Variants in ERG observed in about 807,000 individuals in gnomAD.
The protein encoded by ERG is transcriptional regulator ERG.
ERG carries 9 observed loss-of-function variants against 55.3 expected under a neutral mutation model. The ratio of observed to expected loss-of-function variants is 0.16; its 90% CI spans 0.10 to 0.28. The LOEUF is 0.28. Ranked by LOEUF, ERG falls within the 10% of genes least tolerant of loss-of-function variation. The pLI, the probability that ERG is intolerant of heterozygous loss-of-function variation, is 1.00. For missense variants in ERG, 434 were observed against 631.6 expected (o/e 0.69, Z 3.35); for synonymous variants, 223 against 237.3 (o/e 0.94, Z 0.55).
chr21:38,641,631 T>C (rs1312322276), intron 1 of ERG, among the ~76,000 whole-genome samples: 1 of 152,148 alleles, frequency 6.6e-6, no homozygotes, highest in Non-Finnish European at 1.5e-5. Flanking sequence ...CAGATCAACA[T>C]AATTATTTAG....
At chr21:38,503,583 C>A (rs1464011841) in intron 2 of ERG, among the ~76,000 whole-genome samples, 1 of 152,130 alleles carries the variant, frequency 6.6e-6, no homozygotes, top group Non-Finnish European at 1.5e-5. Context: ...ATTCTGCACA[C>A]ATAAAACTTC....
chr21:38,466,302 T>TGTGTGG (rs1555903695), intron 1 of ERG, among the ~76,000 whole-genome samples: 8 of 137,338 alleles, frequency 5.8e-5, no homozygotes, highest in East Asian at 4.7e-4. Flanking sequence ...TGGTCTGGGG[T>TGTGTGG]GTGTGTGTGT....
chr21:38,456,548 T>C (rs2058991183), intron 1 of ERG, among the ~76,000 whole-genome samples: 2 of 152,334 alleles, frequency 1.3e-5, no homozygotes, highest in African/African-American at 4.8e-5. Flanking sequence ...GTCTCCACTA[T>C]TCACATGATG....
At chr21:38,444,415 C>T (rs2058870045) in intron 2 of ERG, among the ~76,000 whole-genome samples, 1 of 152,188 alleles carries the variant, frequency 6.6e-6, no homozygotes, top group Non-Finnish European at 1.5e-5. Context: ...GCTTTGTACA[C>T]AGTAAAGTTT....
chr21:38,401,168 C>T (rs1759910389), intron 5 of ERG, among the ~76,000 whole-genome samples: 1 of 152,130 alleles, frequency 6.6e-6, no homozygotes, highest in South Asian at 2.1e-4. Context: ...TGAGAAAATT[C>T]CCTTTTCATA....
At chr21:38,416,257 T>C (rs931391036) in intron 3 of ERG, among the ~76,000 whole-genome samples, 2 of 152,232 alleles carry the variant, frequency 1.3e-5, no homozygotes, top group Non-Finnish European at 2.9e-5. Flanking sequence ...AGAAATAAGC[T>C]GTTGAAATGC....
intron 2 of ERG, among the ~76,000 whole-genome samples, chr21:38,547,737 G>T (rs1319063092): frequency 6.6e-6 from 1 of 152,096 alleles, no homozygotes; most frequent in Admixed American, 6.5e-5. Flanking sequence ...ATAAAATGAT[G>T]CCCTTAGCCC....
intron 1 of ERG, among the ~76,000 whole-genome samples, chr21:38,589,969 G>A (rs553230482): frequency 1.3e-5 from 2 of 152,266 alleles, no homozygotes; most frequent in Admixed American, 1.3e-4. Flanking sequence ...TTTACCATCT[G>A]TATCCATAGT....
At chr21:38,657,557 G>A (rs2146995595) in intron 1 of ERG, among the ~76,000 whole-genome samples, 1 of 152,172 alleles carries the variant, frequency 6.6e-6, no homozygotes, top group East Asian at 1.9e-4. Flanking sequence ...TTTCTAATAT[G>A]AAAATGTTTT....
downstream of ERG, among the ~76,000 whole-genome samples, chr21:38,379,659 C>T (rs761064115): frequency 3.9e-5 from 6 of 152,244 alleles, no homozygotes; most frequent in South Asian, 6.2e-4. Context: ...ATGTTTTACT[C>T]AGTAAAATGA....
intron 3 of ERG, among the ~76,000 whole-genome samples, chr21:38,413,024 G>C (rs1989129070): frequency 6.6e-6 from 1 of 152,172 alleles, no homozygotes; most frequent in South Asian, 2.1e-4. Flanking sequence ...TGTGTGTATG[G>C]GGTGGGGACT....
chr21:38,561,658 G>C (rs1241908185), intron 2 of ERG, among the ~76,000 whole-genome samples: 1 of 152,048 alleles, frequency 6.6e-6, no homozygotes, highest in South Asian at 2.1e-4. Flanking sequence ...CCTGGTTAAA[G>C]TTAGATATTT....
At chr21:38,399,107 G>C (rs1268964683) in intron 6 of ERG, among the ~76,000 whole-genome samples, 1 of 152,190 alleles carries the variant, frequency 6.6e-6, no homozygotes, top group African/African-American at 2.4e-5. Context: ...CAATCTTGCA[G>C]ACTCTAGGCA....
chr21:38,607,514 C>A (rs978775159), intron 1 of ERG, among the ~76,000 whole-genome samples: 5 of 152,066 alleles, frequency 3.3e-5, no homozygotes, highest in African/African-American at 1.2e-4. Context: ...CACCTGTAGT[C>A]CCAGCTACTC....
At chr21:38,387,991 C>T (rs1415941219) in intron 9 of ERG, among the ~76,000 whole-genome samples, 1 of 152,232 alleles carries the variant, frequency 6.6e-6, no homozygotes, top group Non-Finnish European at 1.5e-5. Context: ...CTGGTTTATG[C>T]ACACCTCTGT....
intron 1 of ERG, among the ~76,000 whole-genome samples, chr21:38,652,451 G>C (rs2060493820): frequency 1.3e-5 from 2 of 152,188 alleles, no homozygotes; most frequent in African/African-American, 4.8e-5. Flanking sequence ...AATATGACAA[G>C]GTTGTTTAAA....
chr21:38,479,382 C>A (rs2059217108), intron 1 of ERG, among the ~76,000 whole-genome samples: 1 of 152,164 alleles, frequency 6.6e-6, no homozygotes, highest in African/African-American at 2.4e-5. Context: ...CTGTAGCTGG[C>A]TAAGTAGTGT....
At chr21:38,466,516 G>C (rs143337449) in intron 1 of ERG, among the ~76,000 whole-genome samples, 1,809 of 152,182 alleles carry the variant, frequency 0.012, 38 homozygotes, top group African/African-American at 0.042. Context: ...AGTGTACTAA[G>C]ATGGCCTCTC....
intron 1 of ERG, among the ~76,000 whole-genome samples, chr21:38,470,257 CTATTATTATTAT>C (rs147294234): frequency 0.15 from 22,590 of 150,766 alleles, 1,792 homozygotes; most frequent in East Asian, 0.36. Context: ...TGAGTGTTTT[CTATTATTATTAT>C]TATTATTATT....
Sources: allele counts gnomAD v4.1 joint callset (sites outside exome capture counted in the v4.1 genomes callset), GRCh38; gene constraint gnomAD v4.1.1; transcripts MANE v1.5; gene names NCBI Gene and HGNC (gene_info 2026-07-23, HGNC 2026-07-21).